The following TMEM225 variants were observed in gnomAD, a reference collection of about 807,000 sequenced individuals.
TMEM225 encodes transmembrane protein 225.
A neutral mutation model predicts 17.6 loss-of-function variants in TMEM225; 10 were observed. The ratio of observed to expected loss-of-function variants is 0.57; its 90% confidence interval spans 0.35 to 0.96. The LOEUF is 0.96. Among genes scored for constraint, TMEM225 ranks in the 40% least tolerant of loss-of-function variants. TMEM225 has a pLI of 0.02. For synonymous variants in TMEM225, 101 were observed against 94.5 expected (o/e 1.07, Z -0.40); for missense variants, 245 against 271.5 (o/e 0.90, Z 0.69).
Position 123,884,072 on chromosome 11 carries a change from C to G in TMEM225, c.463+3G>C. The G allele has an allele frequency of 6.2e-7, 1 of 1,606,022 alleles. No individual in the cohort carries two copies. Among genetic ancestry groups the G allele is most frequent in the African/African-American group, 1.3e-5 (1 of 74,472 alleles). On this transcript the variant is annotated splice_donor_region_variant and intron_variant, in intron 3 of 3. Transcript: ENST00000375026. ...ACCCTTCAGGGGCCCTGGAGACACT[C>G]ACCACAGACAGACAAGAAGAAAACA...
At chr11:123,884,274 G>A in intron 2 of TMEM225, 65 bp from the exon 3 acceptor site, 1 of 1,501,448 alleles carries the variant, frequency 6.7e-7, no homozygotes, top group Non-Finnish European at 8.8e-7. Context: ...GAGGAACTTT[G>A]GCTCCTTGAT....
At position 123,885,502 on chromosome 11, in the gene TMEM225, G is replaced by A. The variant is rs1339206609; in HGVS notation, c.-77C>T. ...TCCTTGATTTGATTAGTTACAAGAA[G>A]GGTGATATCTGAACTTTCAGTGGTT... On this transcript the variant is annotated 5_prime_UTR_variant, in exon 1 of 4. Coordinates refer to ENST00000375026, the MANE Select transcript of TMEM225 (RefSeq NM_001013743.3). 2.1e-6 allele frequency: 3 copies of A among 1,396,960 alleles called. No homozygotes were observed. Among genetic ancestry groups the A allele is most frequent in the South Asian group, 2.7e-5 (2 of 73,842 alleles). 86.5% of individuals were successfully genotyped at this position (1,396,960 alleles called of 1,614,324 possible). A position where few individuals can be genotyped will look rare whatever the true frequency, so the allele number is the denominator to read the frequency against.
chr11:123,884,731 A>G (rs1307044929), intron 1 of TMEM225, 95 bp from the exon 2 acceptor site: 5 of 1,200,972 alleles, frequency 4.2e-6, no homozygotes, highest in South Asian at 3.3e-5. Flanking sequence ...AAATTGGAAT[A>G]GGGTGAAAGA....
In TMEM225 at chr11:123,884,205, G is replaced by T. The variant is rs144825791; in HGVS notation, c.333C>A (p.Ile111=). 62 of 1,275,948 alleles carry T rather than the reference G, an allele frequency of 4.9e-5. No individual in the cohort carries two copies. The highest frequency in any genetic ancestry group is 6.6e-5 in the Non-Finnish European group (62 of 936,868). 79.0% of individuals were successfully genotyped at this position (1,275,948 alleles called of 1,614,324 possible). The part of the protein sequence containing the change: ...FTTILSFFSG[I]SLLWALILYH... ...ATAGTATGAGTGCCCAGAGCAGAGA[G>T]ATACCTGATGTCCAGACAAAAAAAA... Residue 111 remains isoleucine (I), a synonymous_variant, in exon 3 of 4, where the codon ATC becomes ATA. Coordinates refer to ENST00000375026, the MANE Select transcript of TMEM225 (RefSeq NM_001013743.3).
rs1430739149 is a variant in TMEM225 at position 123,885,598 on chromosome 11, C to T, written c.-173G>A. 2.4e-5 allele frequency: 15 copies of T among 623,018 alleles called. No individual in the cohort carries two copies. In the South Asian group the frequency reaches 3.0e-4, roughly 12 times the overall value. The allele number at this position is 623,018 out of a possible 1,614,324, so 38.6% of individuals were successfully genotyped here. A position where few individuals can be genotyped will look rare whatever the true frequency, so the allele number is the denominator to read the frequency against. ...GAGAAGATAGATAACTCTCACCCTT[C>T]CTCACTTCCGTTATCTATCAGGGCC... On this transcript the variant is annotated 5_prime_UTR_variant, in exon 1 of 4. Transcript: ENST00000375026.
At chr11:123,884,398 CATAT>C in intron 2 of TMEM225, 88 bp downstream of exon 2, 35 of 1,208,980 alleles carry the variant, frequency 2.9e-5, no homozygotes, top group Admixed American at 5.3e-5. Flanking sequence ...TCAGAAGCTA[CATAT>C]ATATATATAT....
intron 1 of TMEM225, among the ~76,000 whole-genome samples, chr11:123,885,038 T>C (rs755972266): frequency 2.6e-5 from 4 of 152,144 alleles, no homozygotes; most frequent in African/African-American, 7.2e-5. Context: ...TGTGAACATA[T>C]AAACTTTTCT....
chr11:123,883,779 C>T (rs1304768183), intron 3 of TMEM225, among the ~76,000 whole-genome samples: 1 of 152,078 alleles, frequency 6.6e-6, no homozygotes, highest in Non-Finnish European at 1.5e-5. Context: ...CTCAGACACC[C>T]ACCTTGGTCA....
At position 123,885,475 on chromosome 11, in the gene TMEM225, C is replaced by G; in HGVS notation, c.-50G>C. ...ACCACCACCACTATTTTGTAGATCT[C>G]TTCCTTGATTTGATTAGTTACAAGA... is the stretch of plus-strand genomic sequence containing the variant. On this transcript the variant is annotated 5_prime_UTR_variant, in exon 1 of 4. Coordinates refer to ENST00000375026, the MANE Select transcript of TMEM225 (RefSeq NM_001013743.3). 1 of 1,549,024 alleles carries G rather than the reference C, an allele frequency of 6.5e-7. No individual in the cohort carries two copies. The highest frequency in any genetic ancestry group is 8.8e-7 in the Non-Finnish European group (1 of 1,137,488).
Position 123,884,172 on chromosome 11 carries a change from A to T in TMEM225, c.366T>A (p.Asn122Lys). The change falls in exon 3 of 4, where the codon AAT becomes AAA. Residue 122 changes from asparagine to lysine, a missense_variant. Physicochemically the swap from Asn to Lys is moderately conservative, Grantham distance 94. Transcript: ENST00000375026. ...GCATGGATTGACCTTGCTTCAGCTT[A>T]TTGTGATATAGTATGAGTGCCCAGA... ...SLLWALILYH[N>K]KLKQGQSMHF... 1 of 1,561,752 alleles carries T rather than the reference A, an allele frequency of 6.4e-7. No homozygotes were observed. The highest frequency in any genetic ancestry group is 8.7e-7 in the Non-Finnish European group (1 of 1,150,988).
In TMEM225 at chr11:123,882,989, C is replaced by T; in HGVS notation, c.*149G>A. 1.8e-6 allele frequency: 1 copy of T among 556,964 alleles called. No homozygotes were observed. Among genetic ancestry groups the T allele is most frequent in the Non-Finnish European group, 3.1e-6 (1 of 320,786 alleles). The allele number at this position is 556,964 out of a possible 1,614,324, so 34.5% of individuals were successfully genotyped here. ...CAGAAGAAACTATTCGTTCAGCAGGCCAGGATTTTTTAAAAAACCATCTTC... is the reference window on the plus strand; with the variant it reads ...CAGAAGAAACTATTCGTTCAGCAGGTCAGGATTTTTTAAAAAACCATCTTC... On this transcript the variant is annotated 3_prime_UTR_variant, in exon 4 of 4. Coordinates refer to ENST00000375026, the MANE Select transcript of TMEM225 (RefSeq NM_001013743.3).
At position 123,885,629 on chromosome 11, in the gene TMEM225, G is replaced by A; in HGVS notation, c.-204C>T. The A allele has an allele frequency of 1.7e-6, 1 of 571,800 alleles. No homozygotes were observed. Among genetic ancestry groups the A allele is most frequent in the Admixed American group, 3.2e-5 (1 of 30,796 alleles). The allele number at this position is 571,800 out of a possible 1,614,324, so 35.4% of individuals were successfully genotyped here. A position where few individuals can be genotyped will look rare whatever the true frequency, so the allele number is the denominator to read the frequency against. ...TTCCGTTATCTATCAGGGCCAGCCT[G>A]CTGTCAGGACTGCCAACTGCCATGG... On this transcript the variant is annotated 5_prime_UTR_variant, in exon 1 of 4. Transcript: ENST00000375026.
chr11:123,885,524 G>A lies in TMEM225; in HGVS notation c.-99C>T. 1 of 1,138,608 alleles carries A rather than the reference G, an allele frequency of 8.8e-7. No homozygotes were observed. Among genetic ancestry groups the A allele is most frequent in the Non-Finnish European group, 1.3e-6 (1 of 795,376 alleles). 70.5% of individuals were successfully genotyped at this position (1,138,608 alleles called of 1,614,324 possible). ...GAAGGGTGATATCTGAACTTTCAGT[G>A]GTTGCTGAGGCATTGGTAACAGCAG... On this transcript the variant is annotated 5_prime_UTR_variant, in exon 1 of 4. Coordinates refer to ENST00000375026, the MANE Select transcript of TMEM225 (RefSeq NM_001013743.3).
At chr11:123,884,038 G>C (rs777503293) in intron 3 of TMEM225, 37 bp downstream of exon 3, 181 of 1,570,056 alleles carry the variant, frequency 1.2e-4, no homozygotes, top group Admixed American at 1.5e-4. Context: ...GGATGGATTG[G>C]TTCTTAACAC....
At chr11:123,883,414 C>A in intron 3 of TMEM225, 62 bp from the exon 4 acceptor site, 1 of 1,344,102 alleles carries the variant, frequency 7.4e-7, no homozygotes, top group South Asian at 1.2e-5. Context: ...AAACAATTCT[C>A]TCCAATTTGG....
At chr11:123,884,309 T>C (rs1362343458) in intron 2 of TMEM225, 100 bp from the exon 3 acceptor site, 1 of 1,434,446 alleles carries the variant, frequency 7.0e-7, no homozygotes, top group Non-Finnish European at 9.2e-7. Flanking sequence ...CATATACACT[T>C]GACTTCCCAA....
Position 123,883,365 on chromosome 11 carries a change from G to C in TMEM225, c.464-13C>G. ...AGAGAGAGGACTCCTAGGGAAAAGA[G>C]ATTCCAGGGAGTGGGATGAAGGGAC... On this transcript the variant is annotated splice_polypyrimidine_tract_variant and intron_variant, in intron 3 of 3. Coordinates refer to ENST00000375026, the MANE Select transcript of TMEM225 (RefSeq NM_001013743.3). 2.5e-6 allele frequency: 4 copies of C among 1,585,990 alleles called. No homozygotes were observed. The highest frequency in any genetic ancestry group is 3.5e-6 in the Non-Finnish European group (4 of 1,155,208).
intron 3 of TMEM225, among the ~76,000 whole-genome samples, 170 bp from the exon 4 acceptor site, chr11:123,883,522 C>A (rs1212370673): frequency 1.3e-5 from 2 of 152,122 alleles, no homozygotes. Context: ...AGTGTATGTA[C>A]AATAGCTTAA....
At chr11:123,884,234 AAAAAAAAG>A in intron 2 of TMEM225, 25 bp from the exon 3 acceptor site, 1 of 1,557,560 alleles carries the variant, frequency 6.4e-7, no homozygotes, top group Non-Finnish European at 8.6e-7. Context: ...AAAAAAAAAA[AAAAAAAAG>A]AAAAAGAAAA....
Sources: allele counts gnomAD v4.1 joint callset (sites outside exome capture counted in the v4.1 genomes callset), GRCh38; gene constraint gnomAD v4.1.1; transcripts MANE v1.5; gene names NCBI Gene and HGNC (gene_info 2026-07-23, HGNC 2026-07-21).